Variants in UBE2D2 observed in about 807,000 individuals in gnomAD.
The protein encoded by UBE2D2 is ubiquitin-conjugating enzyme E2 D2.
UBE2D2 carries 2 observed loss-of-function variants against 24.2 expected under a neutral mutation model. The observed-to-expected ratio is 0.08, with a 90% CI of 0.03 to 0.26. The LOEUF is 0.26. UBE2D2 is among the 10% of genes least tolerant of loss of function. The pLI is 1.00. For missense variants in UBE2D2, 44 were observed against 177.6 expected, an observed-to-expected ratio of 0.25 and a Z score of 4.28; for synonymous variants, 58 against 56.5, an observed-to-expected ratio of 1.03 and a Z score of -0.12.
At chr5:139,604,751 A>G (rs1754160121) in intron 2 of UBE2D2, among the ~76,000 whole-genome samples, 2 of 152,002 alleles carry the variant, frequency 1.3e-5, no homozygotes, top group Non-Finnish European at 2.9e-5. Context: ...GTGGTGGCTC[A>G]TGGCTGTAGT....
At chr5:139,584,068 C>T (rs1218549184) in intron 1 of UBE2D2, among the ~76,000 whole-genome samples, 1 of 152,162 alleles carries the variant, frequency 6.6e-6, no homozygotes, top group Non-Finnish European at 1.5e-5. Flanking sequence ...GTCCTAGGCC[C>T]TCACATTCAT....
chr5:139,582,165 G>C (rs961935165), intron 1 of UBE2D2, among the ~76,000 whole-genome samples: 4 of 151,974 alleles, frequency 2.6e-5, no homozygotes, highest in African/African-American at 9.7e-5. Flanking sequence ...ATTTTGTAGA[G>C]ACAAGGCCTC....
intron 1 of UBE2D2, among the ~76,000 whole-genome samples, chr5:139,568,995 A>G (rs1753299679): frequency 6.6e-6 from 1 of 152,128 alleles, no homozygotes; most frequent in South Asian, 2.1e-4. Flanking sequence ...ATACTGTACT[A>G]GAGGTGTGGT....
intron 1 of UBE2D2, among the ~76,000 whole-genome samples, chr5:139,596,671 C>T (rs747009424): frequency 2.6e-5 from 4 of 151,678 alleles, no homozygotes; most frequent in African/African-American, 4.8e-5. Context: ...GAGGCTGAGG[C>T]GGAAGGATCG....
At chr5:139,579,203 A>G (rs1230817028) in intron 1 of UBE2D2, among the ~76,000 whole-genome samples, 1 of 152,152 alleles carries the variant, frequency 6.6e-6, no homozygotes, top group Non-Finnish European at 1.5e-5. Flanking sequence ...GCTGGAGTGC[A>G]ATGGTGCGAT....
At chr5:139,540,584 C>T (rs1395708791) in intron 1 of UBE2D2, among the ~76,000 whole-genome samples, 1 of 150,878 alleles carries the variant, frequency 6.6e-6, no homozygotes, top group African/African-American at 2.4e-5. Flanking sequence ...ATCTAATTAT[C>T]TGTTATTATC....
chr5:139,596,127 C>T (rs1753955241), intron 1 of UBE2D2, among the ~76,000 whole-genome samples: 1 of 151,576 alleles, frequency 6.6e-6, no homozygotes, highest in Non-Finnish European at 1.5e-5. Flanking sequence ...CTCCTGACCT[C>T]ATGATCCGCC....
chr5:139,624,760 G>A (rs1294078033), intron 6 of UBE2D2, among the ~76,000 whole-genome samples: 4 of 152,214 alleles, frequency 2.6e-5, no homozygotes, highest in Non-Finnish European at 5.9e-5. Flanking sequence ...CAGCCTGGGC[G>A]ACAGAGCAAG....
chr5:139,538,160 T>C (rs1434260860), intron 1 of UBE2D2, among the ~76,000 whole-genome samples: 1 of 151,878 alleles, frequency 6.6e-6, no homozygotes, highest in East Asian at 1.9e-4. Flanking sequence ...ATTTTTGTAT[T>C]TTTAGTGGAG....
chr5:139,543,556 C>A (rs575773820), intron 1 of UBE2D2, among the ~76,000 whole-genome samples: 39 of 152,352 alleles, frequency 2.6e-4, no homozygotes, highest in Admixed American at 3.9e-4. Flanking sequence ...GCCCCGGCGA[C>A]GACACGGGGG....
chr5:139,621,411 A>G (rs1754511803), intron 5 of UBE2D2, among the ~76,000 whole-genome samples: 1 of 152,256 alleles, frequency 6.6e-6, no homozygotes, highest in Non-Finnish European at 1.5e-5. Flanking sequence ...TGAGACATTC[A>G]TAGAAGTATG....
intron 1 of UBE2D2, among the ~76,000 whole-genome samples, chr5:139,551,371 C>T (rs1263804000): frequency 2.6e-5 from 4 of 152,092 alleles, no homozygotes; most frequent in African/African-American, 4.8e-5. Flanking sequence ...AAGAATATTT[C>T]TCCAGGAGAA....
intron 1 of UBE2D2, among the ~76,000 whole-genome samples, chr5:139,576,105 A>G (rs1340635633): frequency 6.6e-6 from 1 of 152,208 alleles, no homozygotes; most frequent in Admixed American, 6.6e-5. Flanking sequence ...ATAATAGCAC[A>G]CTAATGGAGT....
intron 1 of UBE2D2, among the ~76,000 whole-genome samples, chr5:139,584,832 C>G (rs774463437): frequency 2.7e-5 from 4 of 150,850 alleles, no homozygotes; most frequent in African/African-American, 2.4e-5. Context: ...CGTGCCTAGC[C>G]CAAAACACCT....
intron 1 of UBE2D2, among the ~76,000 whole-genome samples, chr5:139,570,602 C>G (rs1186664438): frequency 6.6e-6 from 1 of 151,344 alleles, no homozygotes; most frequent in Non-Finnish European, 1.5e-5. Flanking sequence ...ACCTCTGCCT[C>G]CTGAGTTCAA....
intron 2 of UBE2D2, among the ~76,000 whole-genome samples, chr5:139,604,069 CAT>C (rs1458488113): frequency 3.3e-5 from 5 of 151,218 alleles, no homozygotes; most frequent in Non-Finnish European, 4.4e-5. Flanking sequence ...AGTGATAAAA[CAT>C]ATAGAATGGA....
Position 139,568,473 on chromosome 5 carries a change from C to T in UBE2D2, c.24+6658C>T, listed in dbSNP as rs536437771. ...AGGAAATCGAGACCATCCTGGCTAA[C>T]ACGGTGAAACCCCATCTCTACTAAA... On this transcript the variant is annotated intron_variant, in intron 1 of 6. Coordinates refer to ENST00000398733, the MANE Select transcript of UBE2D2 (RefSeq NM_003339.3). Among the ~76,000 whole-genome samples, 3 of 150,588 alleles carry T rather than the reference C, an allele frequency of 2.0e-5. No individual in the cohort carries two copies. The South Asian group carries it at 6.3e-4, about 32-fold the overall frequency.
chr5:139,556,433 A>T (rs530369857), upstream of UBE2D2, among the ~76,000 whole-genome samples: 1 of 149,162 alleles, frequency 6.7e-6, no homozygotes, highest in African/African-American at 2.5e-5. Context: ...AAATAAACTT[A>T]AAAAAAAAAG....
At chr5:139,589,833 G>A (rs1753806387) in intron 1 of UBE2D2, among the ~76,000 whole-genome samples, 1 of 151,876 alleles carries the variant, frequency 6.6e-6, no homozygotes, top group African/African-American at 2.4e-5. Context: ...CGCCCAGGCT[G>A]GAGTGCAGTG....
Sources: allele counts gnomAD v4.1 joint callset (sites outside exome capture counted in the v4.1 genomes callset), GRCh38; gene constraint gnomAD v4.1.1; transcripts MANE v1.5; gene names NCBI Gene and HGNC (gene_info 2026-07-23, HGNC 2026-07-21).